GALNTL6: variants seen among roughly 807,000 people sequenced by gnomAD.
GALNTL6 encodes the protein polypeptide N-acetylgalactosaminyltransferase like 6, also known as polypeptide N-acetylgalactosaminyltransferase-like 6.
Under a neutral mutation model 73.7 loss-of-function variants are expected in GALNTL6, and 46 were observed. That is an observed-to-expected ratio of 0.62 (90% CI 0.49 to 0.80). The LOEUF (loss-of-function observed/expected upper bound fraction) is 0.80, where lower values mean the gene tolerates loss of function less well. Ranked by LOEUF, GALNTL6 falls within the 30% of genes least tolerant of loss-of-function variation. The pLI is 0.00. For synonymous variants in GALNTL6, 259 were observed against 263.7 expected (o/e 0.98, Z 0.17); for missense variants, 604 against 755.0 (o/e 0.80, Z 2.34).
At chr4:172,572,686 T>C (rs1304473557) in intron 5 of GALNTL6, among the ~76,000 whole-genome samples, 1 of 152,212 alleles carries the variant, frequency 6.6e-6, no homozygotes, top group Non-Finnish European at 1.5e-5. Flanking sequence ...CCTATTACTT[T>C]CTGTGCCTCT....
intron 5 of GALNTL6, among the ~76,000 whole-genome samples, chr4:172,581,054 G>T (rs1295578779): frequency 6.6e-6 from 1 of 152,190 alleles, no homozygotes; most frequent in East Asian, 1.9e-4. Flanking sequence ...GAGCCACTGT[G>T]CCCGGCTGGC....
intron 5 of GALNTL6, among the ~76,000 whole-genome samples, chr4:172,561,259 CA>C (rs59249298): frequency 0.19 from 11,390 of 59,462 alleles, 171 homozygotes; most frequent in Non-Finnish European, 0.22. Context: ...GACTCCGTCT[CA>C]AAAAAAAAAA....
At chr4:172,919,869 T>G (rs537061893) in intron 8 of GALNTL6, among the ~76,000 whole-genome samples, 2 of 152,214 alleles carry the variant, frequency 1.3e-5, no homozygotes, top group Non-Finnish European at 2.9e-5. Flanking sequence ...AAGTTTTGAA[T>G]AAACATTAAG....
intron 5 of GALNTL6, among the ~76,000 whole-genome samples, chr4:172,369,081 A>T (rs2111254005): frequency 6.6e-6 from 1 of 152,116 alleles, no homozygotes; most frequent in South Asian, 2.1e-4. Context: ...TTATTCCCTT[A>T]TGTGCCCCCC....
intron 10 of GALNTL6, among the ~76,000 whole-genome samples, chr4:172,997,641 AG>A (rs1751854213): frequency 6.6e-6 from 1 of 152,112 alleles, no homozygotes. Context: ...GGGAAGGGTG[AG>A]TGGGGGCAGG....
chr4:172,433,506 T>C (rs13115907), intron 5 of GALNTL6, among the ~76,000 whole-genome samples: 1 of 38,040 alleles, frequency 2.6e-5, no homozygotes, highest in Non-Finnish European at 6.6e-5. Flanking sequence ...TTTGCGAAGA[T>C]GATCATCTTT....
At chr4:172,092,246 A>G (rs372644789) in intron 2 of GALNTL6, among the ~76,000 whole-genome samples, 1 of 152,282 alleles carries the variant, frequency 6.6e-6, no homozygotes, top group African/African-American at 2.4e-5. Flanking sequence ...GTGTCTTACC[A>G]CAATTTTATA....
chr4:172,052,154 G>A (rs1433013947), intron 2 of GALNTL6, among the ~76,000 whole-genome samples: 1 of 152,156 alleles, frequency 6.6e-6, no homozygotes, highest in African/African-American at 2.4e-5. Context: ...TCTGAAAAAA[G>A]AGTCCTCACA....
chr4:171,822,774 G>A (rs770047742), intron 2 of GALNTL6, among the ~76,000 whole-genome samples: 13 of 152,086 alleles, frequency 8.5e-5, no homozygotes, highest in African/African-American at 2.4e-4. Flanking sequence ...AATTAACTTC[G>A]AATCTATTAG....
At chr4:172,892,551 T>C (rs1023488085) in intron 8 of GALNTL6, among the ~76,000 whole-genome samples, 6 of 152,064 alleles carry the variant, frequency 3.9e-5, no homozygotes, top group African/African-American at 1.4e-4. Flanking sequence ...GATAGGCTCT[T>C]AGCCAAGCTC....
chr4:172,488,017 A>G (rs1278588170), intron 5 of GALNTL6, among the ~76,000 whole-genome samples: 2 of 152,196 alleles, frequency 1.3e-5, no homozygotes, highest in African/African-American at 4.8e-5. Flanking sequence ...TTGAATAATG[A>G]TAATGGTGCA....
chr4:171,981,977 A>G (rs1739910382), intron 2 of GALNTL6, among the ~76,000 whole-genome samples: 1 of 152,054 alleles, frequency 6.6e-6, no homozygotes, highest in African/African-American at 2.4e-5. Flanking sequence ...GTCAAATTGG[A>G]TTTTAAATAT....
At chr4:172,915,055 G>A (rs1275560461) in intron 8 of GALNTL6, among the ~76,000 whole-genome samples, 1 of 152,174 alleles carries the variant, frequency 6.6e-6, no homozygotes, top group Non-Finnish European at 1.5e-5. Context: ...CTGTCTCTCA[G>A]ACCACAGTGC....
chr4:172,768,660 C>A (rs2083134), intron 5 of GALNTL6, among the ~76,000 whole-genome samples: 72,472 of 151,424 alleles, frequency 0.48, 18,106 homozygotes, highest in African/African-American at 0.63. Context: ...CATTTTTACA[C>A]CAAATATGAA....
Position 172,756,233 on chromosome 4 carries a change from T to C in GALNTL6, c.554-53128T>C, listed in dbSNP as rs183681164. Among the ~76,000 whole-genome samples, 7 of 152,310 alleles carry C rather than the reference T, an allele frequency of 4.6e-5. No homozygotes were observed. The East Asian group carries it at 1.2e-3, about 25-fold the overall frequency. ...CAGTGAAAACAATCACAGAAGTTCA[T>C]GGTTTACCAAAAGTTCTAGTAGGTT... On this transcript the variant is annotated intron_variant, in intron 5 of 12. Coordinates refer to ENST00000506823, the MANE Select transcript of GALNTL6 (RefSeq NM_001034845.3).
At chr4:172,301,462 A>G (rs1329680631) in intron 3 of GALNTL6, among the ~76,000 whole-genome samples, 1 of 151,984 alleles carries the variant, frequency 6.6e-6, no homozygotes, top group Admixed American at 6.6e-5. Context: ...TAGAATTTTC[A>G]GTTTTTCTGC....
At chr4:172,378,283 G>T (rs1743125666) in intron 5 of GALNTL6, among the ~76,000 whole-genome samples, 1 of 152,180 alleles carries the variant, frequency 6.6e-6, no homozygotes, top group African/African-American at 2.4e-5. Flanking sequence ...AGACCCTGAT[G>T]CTTGAAAGCA....
At chr4:172,592,194 A>G (rs1472058971) in intron 5 of GALNTL6, among the ~76,000 whole-genome samples, 2 of 152,200 alleles carry the variant, frequency 1.3e-5, no homozygotes, top group African/African-American at 4.8e-5. Flanking sequence ...GCATCAAAAC[A>G]TGGCAGAGAA....
chr4:173,019,971 C>T (rs989621965), intron 11 of GALNTL6, among the ~76,000 whole-genome samples: 1 of 152,238 alleles, frequency 6.6e-6, no homozygotes, highest in Admixed American at 6.5e-5. Flanking sequence ...GCATACAGCT[C>T]AGCATTGTGC....
Sources: gnomAD v4.1 joint callset for allele counts (sites outside exome capture counted in the v4.1 genomes callset) on GRCh38, gnomAD v4.1.1 for gene constraint, MANE v1.5 for transcripts, NCBI Gene and HGNC (gene_info 2026-07-23, HGNC 2026-07-21) for gene names.